The following SVOPL variants were observed in gnomAD, a reference collection of about 807,000 sequenced individuals.
The protein encoded by SVOPL is putative transporter SVOPL.
In SVOPL, 60 loss-of-function variants were observed where a neutral mutation model predicts 61.0. That is an observed-to-expected ratio of 0.98 (90% CI 0.80 to 1.22). The LOEUF (loss-of-function observed/expected upper bound fraction) is 1.22, where lower values mean the gene tolerates loss of function less well. SVOPL is among the 50% of genes most tolerant of loss of function. The pLI is 0.00. For missense variants in SVOPL, 662 were observed against 643.9 expected (o/e 1.03, Z -0.30); for synonymous variants, 279 against 250.0 (o/e 1.12, Z -1.09).
chr7:138,643,666 A>C (rs2116994469), intron 9 of SVOPL, among the ~76,000 whole-genome samples: 1 of 152,072 alleles, frequency 6.6e-6, no homozygotes, highest in Middle Eastern at 3.4e-3. Context: ...ACAAAAAGAC[A>C]AACACTGTAT....
chr7:138,620,989 G>T (rs758176068), intron 14 of SVOPL, 57 bp downstream of exon 14: 1 of 1,501,300 alleles, frequency 6.7e-7, no homozygotes. Context: ...AGGTCCCTGG[G>T]TTCCTCTTAC....
At chr7:138,641,885 T>A (rs1800820986) in intron 9 of SVOPL, among the ~76,000 whole-genome samples, 1 of 139,788 alleles carries the variant, frequency 7.2e-6, no homozygotes, top group Non-Finnish European at 1.5e-5. Context: ...GTATATATAG[T>A]CAATGGGTAT....
At position 138,656,502 on chromosome 7, in the gene SVOPL, T is replaced by C. The variant is rs750442240; in HGVS notation, c.480A>G (p.Ile160Met). ...ATTTCGTGGGCAAAAATTCAGTCTT[T>C]ATGATTAACCTAAACAGGAAGCAGG... ...GVSGHSQGLI[I>M]KTEFLPTKYR... is the part of the protein sequence containing the mutation. Residue 160 changes from isoleucine to methionine, a missense_variant, in exon 7 of 16, where the codon ATA becomes ATG. Physicochemically the swap from Ile to Met is conservative, Grantham distance 10. Transcript: ENST00000674285. 1 of 1,613,940 alleles carries C rather than the reference T, an allele frequency of 6.2e-7. No individual in the cohort carries two copies. The highest frequency in any genetic ancestry group is 8.5e-7 in the Non-Finnish European group (1 of 1,180,008).
intron 13 of SVOPL, among the ~76,000 whole-genome samples, chr7:138,624,483 A>T (rs1489393893): frequency 6.6e-6 from 1 of 152,116 alleles, no homozygotes; most frequent in East Asian, 1.9e-4. Context: ...TTCATTCCTA[A>T]GCTATCACAG....
chr7:138,620,894 C>A (rs1252966114), intron 14 of SVOPL, 152 bp downstream of exon 14: 2 of 734,392 alleles, frequency 2.7e-6, no homozygotes, highest in Admixed American at 2.6e-5. Flanking sequence ...TCTCTCTCTA[C>A]CTAAATCCAC....
intron 13 of SVOPL, among the ~76,000 whole-genome samples, chr7:138,621,643 G>A (rs1799566643): frequency 6.6e-6 from 1 of 152,142 alleles, no homozygotes; most frequent in African/African-American, 2.4e-5. Context: ...TGCTGGTCTT[G>A]AACATCTGGC....
At chr7:138,609,074 C>T (rs932880620) in intron 14 of SVOPL, among the ~76,000 whole-genome samples, 8 of 151,866 alleles carry the variant, frequency 5.3e-5, no homozygotes, top group African/African-American at 1.9e-4. Flanking sequence ...GATAAATTAC[C>T]CAATTAAAAT....
chr7:138,680,508 G>C (rs1479319545), intron 1 of SVOPL, among the ~76,000 whole-genome samples: 1 of 150,422 alleles, frequency 6.6e-6, no homozygotes, highest in African/African-American at 2.4e-5. Context: ...AACTCTAAAA[G>C]CCAAAAGAAA....
chr7:138,642,287 CAAAAAA>C (rs79469915), intron 9 of SVOPL, among the ~76,000 whole-genome samples: 1 of 111,672 alleles, frequency 9.0e-6, no homozygotes, highest in African/African-American at 3.6e-5. Flanking sequence ...GGAAATTAGC[CAAAAAA>C]AAAAAAAAAA....
At chr7:138,629,237 A>ATTT (rs34587301) in intron 10 of SVOPL, among the ~76,000 whole-genome samples, 1,544 of 140,128 alleles carry the variant, frequency 0.011, 39 homozygotes, top group African/African-American at 0.039. Flanking sequence ...GCTCTTCATG[A>ATTT]TTTTTTTTTT....
Position 138,644,747 on chromosome 7 carries a change from C to A in SVOPL, c.759G>T (p.Met253Ile), listed in dbSNP as rs756933873. 3 of 1,614,180 alleles carry A rather than the reference C, an allele frequency of 1.9e-6. No individual in the cohort carries two copies. In the Admixed American group the frequency reaches 5.0e-5, roughly 27 times the overall value. ...CGGGCTCCACCAGCTTCCCCTCCGG[C>A]ATGACCGAGCGGTTCATCTTGGCAA... ...ERVAKMNRSV[M>I]PEGKLVEPVL... is the part of the protein sequence containing the mutation. The change falls in exon 9 of 16, where the codon ATG becomes ATT. Residue 253 changes from methionine to isoleucine, a missense_variant. Transcript: ENST00000674285.
chr7:138,674,761 C>T (rs1239818650), intron 3 of SVOPL, among the ~76,000 whole-genome samples: 2 of 151,520 alleles, frequency 1.3e-5, no homozygotes, highest in South Asian at 2.1e-4. Flanking sequence ...GAGGCTGAAG[C>T]AGGAGAATGG....
intron 7 of SVOPL, among the ~76,000 whole-genome samples, chr7:138,650,084 C>T (rs1425043551): frequency 6.6e-6 from 1 of 152,182 alleles, no homozygotes; most frequent in East Asian, 1.9e-4. Context: ...CCCACCTTGG[C>T]CTCCCAAAGT....
chr7:138,686,562 G>GTTTTT lies in SVOPL; in HGVS notation c.-34-7488_-34-7484dup, dbSNP rs979219572. ...GCCTAAGGAGTTTTTTGTTTTTTGG[G>GTTTTT]TTTTTTTTTTTTTTTTTTTTGAGAC... On this transcript the variant is annotated intron_variant, in intron 1 of 15. Coordinates refer to ENST00000674285, the MANE Select transcript of SVOPL (RefSeq NM_001139456.2). Among the ~76,000 whole-genome samples the GTTTTT allele has an allele frequency of 2.8e-4, 19 of 66,956 alleles. 1 individual carries two copies. Among genetic ancestry groups the GTTTTT allele is most frequent in the East Asian group, 2.0e-3 (3 of 1,512 alleles). 43.9% of individuals were successfully genotyped at this position (66,956 alleles called of 152,430 possible).
At chr7:138,688,676 A>G (rs1005205618) in intron 1 of SVOPL, among the ~76,000 whole-genome samples, 4 of 152,164 alleles carry the variant, frequency 2.6e-5, no homozygotes, top group African/African-American at 9.7e-5. Context: ...TATCAGAACC[A>G]TTGTGTGTTG....
intron 14 of SVOPL, among the ~76,000 whole-genome samples, chr7:138,601,893 ATG>A (rs962287877): frequency 5.1e-5 from 1 of 19,434 alleles, no homozygotes; most frequent in African/African-American, 8.7e-4. Flanking sequence ...TGCCTGTTTT[ATG>A]TTTTCATAGC....
intron 9 of SVOPL, among the ~76,000 whole-genome samples, 153 bp downstream of exon 9, chr7:138,644,564 A>G (rs545247268): frequency 1.7e-4 from 26 of 152,304 alleles, no homozygotes; most frequent in African/African-American, 6.3e-4. Flanking sequence ...TCACAGTGAA[A>G]ATGAATGTAG....
chr7:138,614,307 T>G (rs190172557), intron 14 of SVOPL, among the ~76,000 whole-genome samples: 1 of 152,292 alleles, frequency 6.6e-6, no homozygotes. Context: ...GGCTGAATGA[T>G]TTCAGCTAGA....
intron 1 of SVOPL, among the ~76,000 whole-genome samples, chr7:138,697,128 T>C (rs1357391844): frequency 6.6e-6 from 1 of 152,148 alleles, no homozygotes; most frequent in Non-Finnish European, 1.5e-5. Context: ...CCCAGCACTT[T>C]GGGATGCCAC....
Sources: gnomAD v4.1 joint callset for allele counts (sites outside exome capture counted in the v4.1 genomes callset) on GRCh38, gnomAD v4.1.1 for gene constraint, MANE v1.5 for transcripts, NCBI Gene and HGNC (gene_info 2026-07-23, HGNC 2026-07-21) for gene names.